COL23A1: variants seen among roughly 807,000 people sequenced by gnomAD.
COL23A1 encodes the protein collagen type XXIII alpha 1 chain.
In COL23A1, 97 loss-of-function variants were observed where a neutral mutation model predicts 99.3. The ratio of observed to expected loss-of-function variants is 0.98; its 90% confidence interval spans 0.83 to 1.16. The LOEUF (loss-of-function observed/expected upper bound fraction) is 1.16. Ranked by LOEUF, COL23A1 falls within the 50% of genes most tolerant of loss-of-function variation. The pLI, the probability that COL23A1 is intolerant of heterozygous loss-of-function variation, is 0.00. For missense variants in COL23A1, 762 were observed against 757.4 expected (o/e 1.01, Z -0.07); for synonymous variants, 320 against 308.2 (o/e 1.04, Z -0.40).
intron 2 of COL23A1, among the ~76,000 whole-genome samples, chr5:178,499,579 G>A (rs1758411482): frequency 6.6e-6 from 1 of 152,230 alleles, no homozygotes; most frequent in Admixed American, 6.5e-5. Context: ...AACAAAGTCT[G>A]AGAATTTATC....
chr5:178,494,513 C>A (rs1264625675), intron 2 of COL23A1, among the ~76,000 whole-genome samples: 6 of 152,200 alleles, frequency 3.9e-5, no homozygotes, highest in Non-Finnish European at 2.9e-5. Context: ...CCTGTCTTTA[C>A]TAAAAATGCA....
At chr5:178,379,235 A>C (rs1365168359) in intron 2 of COL23A1, among the ~76,000 whole-genome samples, 1 of 152,214 alleles carries the variant, frequency 6.6e-6, no homozygotes, top group Admixed American at 6.5e-5. Flanking sequence ...CATAGTGATC[A>C]ACTAAAAAAA....
chr5:178,516,225 T>C (rs1242582477), intron 2 of COL23A1, among the ~76,000 whole-genome samples: 2 of 152,176 alleles, frequency 1.3e-5, no homozygotes, highest in African/African-American at 2.4e-5. Context: ...CTCCCCTCTG[T>C]TGTCTAATGA....
In COL23A1 at chr5:178,398,493, G is replaced by A. The variant is rs146782248; in HGVS notation, c.362-91574C>T. The stretch of plus-strand genomic sequence containing the variant: ...AATACAAAAATTAGCTGGGCGTGGT[G>A]GCACGTGCCTATAGTCCCAGCTACT... On this transcript the variant is annotated intron_variant, in intron 2 of 28. Transcript: ENST00000390654. Among the ~76,000 whole-genome samples the A allele has an allele frequency of 7.0e-4, 106 of 152,164 alleles. 1 individual carries two copies. The East Asian group carries it at 0.016, about 23-fold the overall frequency.
intron 5 of COL23A1, among the ~76,000 whole-genome samples, chr5:178,287,024 G>A (rs371340501): frequency 6.6e-6 from 1 of 152,256 alleles, no homozygotes; most frequent in South Asian, 2.1e-4. Context: ...CTGGTACAGC[G>A]AATAATGCCA....
At chr5:178,311,753 C>T (rs187473631) in intron 2 of COL23A1, among the ~76,000 whole-genome samples, 2,740 of 137,572 alleles carry the variant, frequency 0.02, 127 homozygotes, top group African/African-American at 0.074. Flanking sequence ...TTTTTTGAGA[C>T]GGAGTCTCAC....
chr5:178,331,554 C>T (rs758479881), intron 2 of COL23A1, among the ~76,000 whole-genome samples: 6 of 152,338 alleles, frequency 3.9e-5, no homozygotes, highest in East Asian at 3.9e-4. Context: ...AAGGAATCCG[C>T]GGCCCTCGGG....
At chr5:178,258,888 G>T (rs1259995095) in intron 12 of COL23A1, among the ~76,000 whole-genome samples, 1 of 149,654 alleles carries the variant, frequency 6.7e-6, no homozygotes, top group African/African-American at 2.5e-5. Flanking sequence ...TAGAGATGAG[G>T]TCTTGGTGTA....
At chr5:178,555,006 G>T (rs1368582652) in intron 2 of COL23A1, among the ~76,000 whole-genome samples, 1 of 152,150 alleles carries the variant, frequency 6.6e-6, no homozygotes, top group African/African-American at 2.4e-5. Context: ...TAGTGTCTGG[G>T]TGTGGACATA....
Position 178,302,768 on chromosome 5 carries a change from C to T in COL23A1, c.406+4107G>A, listed in dbSNP as rs1758143713. Among the ~76,000 whole-genome samples the T allele has an allele frequency of 1.3e-5, 2 of 152,154 alleles. 1 individual carries two copies. Among genetic ancestry groups the T allele is most frequent in the African/African-American group, 4.8e-5 (2 of 41,416 alleles). Reference sequence around the variant, plus strand: ...AAGCAGCTTCAATGTTCAACAATTGCTGCTGATTATTTTTGTTAAGCATCC... The same window carrying T: ...AAGCAGCTTCAATGTTCAACAATTGTTGCTGATTATTTTTGTTAAGCATCC... On this transcript the variant is annotated intron_variant, in intron 3 of 28. Coordinates refer to ENST00000390654, the MANE Select transcript of COL23A1 (RefSeq NM_173465.4).
chr5:178,542,063 G>A (rs562632211), intron 2 of COL23A1, among the ~76,000 whole-genome samples: 50 of 152,154 alleles, frequency 3.3e-4, no homozygotes, highest in South Asian at 2.9e-3. Context: ...CACTCTTGTC[G>A]CCCAGGCTGG....
Position 178,547,504 on chromosome 5 carries a change from C to A in COL23A1, c.361+13178G>T, listed in dbSNP as rs1263938801. ...ACACACACACCCACACATCCCCATA[C>A]ACACCCCCACACCCACACACTCACA... On this transcript the variant is annotated intron_variant, in intron 2 of 28. Coordinates refer to ENST00000390654, the MANE Select transcript of COL23A1 (RefSeq NM_173465.4). Among the ~76,000 whole-genome samples the A allele has an allele frequency of 2.4e-5, 3 of 126,784 alleles. No individual in the cohort carries two copies. In the Admixed American group the frequency reaches 2.4e-4, roughly 10 times the overall value. 83.2% of individuals were successfully genotyped at this position (126,784 alleles called of 152,430 possible). A position where few individuals can be genotyped will look rare whatever the true frequency, so the allele number is the denominator to read the frequency against.
At chr5:178,353,933 T>C (rs1761473223) in intron 2 of COL23A1, among the ~76,000 whole-genome samples, 1 of 122,822 alleles carries the variant, frequency 8.1e-6, no homozygotes, top group Non-Finnish European at 1.8e-5. Context: ...TGTGCTACCG[T>C]TGAGTTAAAA....
chr5:178,539,011 T>C (rs1761134320), intron 2 of COL23A1, among the ~76,000 whole-genome samples: 2 of 152,200 alleles, frequency 1.3e-5, no homozygotes, highest in Admixed American at 1.3e-4. Context: ...TTCCATGAGA[T>C]GTCCGGAAAA....
intron 1 of COL23A1, among the ~76,000 whole-genome samples, chr5:178,568,099 G>A (rs775891538): frequency 2.2e-4 from 33 of 152,202 alleles, no homozygotes; most frequent in Non-Finnish European, 4.6e-4. Flanking sequence ...CCACCTCAGT[G>A]GTATTCTTTC....
In COL23A1 at chr5:178,473,193, G is replaced by A. The variant is rs538736824; in HGVS notation, c.361+87489C>T. 2.4e-4 allele frequency among the ~76,000 whole-genome samples: 36 copies of A among 152,080 alleles called. No homozygotes were observed. In the South Asian group the frequency reaches 4.1e-3, roughly 18 times the overall value. On this transcript the variant is annotated intron_variant, in intron 2 of 28. Coordinates refer to ENST00000390654, the MANE Select transcript of COL23A1 (RefSeq NM_173465.4). ...AAATCATACAAATAAAAATACAGTA[G>A]AACAATATTTACATAGCTTTCACAC... is the stretch of plus-strand genomic sequence containing the variant.
intron 1 of COL23A1, among the ~76,000 whole-genome samples, chr5:178,580,085 TG>T (rs1763583362): frequency 6.6e-6 from 1 of 152,004 alleles, no homozygotes; most frequent in Non-Finnish European, 1.5e-5. Context: ...CCCAGCACTT[TG>T]GGAGGCCAAG....
At chr5:178,401,726 A>G (rs1764457639) in intron 2 of COL23A1, among the ~76,000 whole-genome samples, 1 of 152,228 alleles carries the variant, frequency 6.6e-6, no homozygotes, top group African/African-American at 2.4e-5. Context: ...TGTCTTCCAA[A>G]GTGCCTATGC....
intron 2 of COL23A1, among the ~76,000 whole-genome samples, chr5:178,535,402 C>A (rs1003256502): frequency 3.3e-5 from 5 of 152,366 alleles, no homozygotes; most frequent in African/African-American, 1.2e-4. Flanking sequence ...TCCAGCACTC[C>A]GTGGGTGTGG....
Sources: gnomAD v4.1 joint callset for allele counts (sites outside exome capture counted in the v4.1 genomes callset) on GRCh38, gnomAD v4.1.1 for gene constraint, MANE v1.5 for transcripts, NCBI Gene and HGNC (gene_info 2026-07-23, HGNC 2026-07-21) for gene names.